The following GLIS3 variants were observed in gnomAD, a reference collection of about 807,000 sequenced individuals.
GLIS3 encodes the protein GLIS family zinc finger 3, also known as zinc finger protein GLIS3.
In GLIS3, 53 loss-of-function variants were observed where a neutral mutation model predicts 78.6. The observed-to-expected ratio is 0.67, with a 90% CI of 0.54 to 0.85. The LOEUF is 0.85. GLIS3 is among the 40% of genes least tolerant of loss of function. The probability of loss-of-function intolerance (pLI) is 0.00; values close to 1 mark genes in which losing one functional copy is unlikely to be tolerated. For missense variants in GLIS3, 1,703 were observed against 1,231.1 expected (o/e 1.38, Z -5.74); for synonymous variants, 684 against 509.9 (o/e 1.34, Z -4.60).
At chr9:4,127,045 A>G (rs1404180951) in intron 2 of GLIS3, among the ~76,000 whole-genome samples, 1 of 152,182 alleles carries the variant, frequency 6.6e-6, no homozygotes, top group Non-Finnish European at 1.5e-5. Flanking sequence ...ATCTTTTGTA[A>G]CATTCTTCCC....
chr9:3,832,103 A>G (rs1300712699), intron 9 of GLIS3, among the ~76,000 whole-genome samples: 2 of 151,764 alleles, frequency 1.3e-5, no homozygotes, highest in Non-Finnish European at 2.9e-5. Context: ...TCAGTTTTCC[A>G]ATTTGTAAAA....
At chr9:4,191,148 A>T (rs985966735) in intron 2 of GLIS3, among the ~76,000 whole-genome samples, 1 of 150,444 alleles carries the variant, frequency 6.6e-6, no homozygotes, top group African/African-American at 2.4e-5. Context: ...TAACCAGCTA[A>T]CATCATAATG....
chr9:4,325,172 A>C (rs1423836527), intron 2 of GLIS3, among the ~76,000 whole-genome samples: 1 of 152,164 alleles, frequency 6.6e-6, no homozygotes, highest in Non-Finnish European at 1.5e-5. Flanking sequence ...TCTATACTTG[A>C]ATGCATAAAT....
At chr9:3,906,593 G>A (rs1823717874) in intron 6 of GLIS3, among the ~76,000 whole-genome samples, 1 of 152,108 alleles carries the variant, frequency 6.6e-6, no homozygotes, top group Admixed American at 6.5e-5. Context: ...AGAACCTGCA[G>A]GTACCTGCAC....
chr9:3,857,615 G>T (rs564852708), intron 8 of GLIS3, among the ~76,000 whole-genome samples: 35 of 152,298 alleles, frequency 2.3e-4, no homozygotes, highest in Non-Finnish European at 4.6e-4. Flanking sequence ...TCAAGGCGAG[G>T]AGCTTAAACA....
chr9:4,208,543 T>A (rs1820081150), intron 2 of GLIS3, among the ~76,000 whole-genome samples: 1 of 152,168 alleles, frequency 6.6e-6, no homozygotes, highest in Admixed American at 6.5e-5. Context: ...GTGGGCAGGA[T>A]TGGAAGAGCC....
chr9:4,165,714 T>C (rs1835831751), intron 2 of GLIS3, among the ~76,000 whole-genome samples: 1 of 152,212 alleles, frequency 6.6e-6, no homozygotes, highest in Admixed American at 6.5e-5. Flanking sequence ...CCTATGCAGA[T>C]ATCCAGATAG....
At chr9:4,389,308 C>T in the GLIS3 span, among the ~76,000 whole-genome samples, 10 of 152,162 alleles carry the variant, frequency 6.6e-5, no homozygotes, top group Non-Finnish European at 1.5e-4. Context: ...ATCTAGGTTG[C>T]TAATTCATGA....
intron 4 of GLIS3, among the ~76,000 whole-genome samples, chr9:4,023,178 A>T (rs1425612995): frequency 6.6e-6 from 1 of 152,208 alleles, no homozygotes; most frequent in Non-Finnish European, 1.5e-5. Flanking sequence ...AATTTTTTTA[A>T]GTGGCCAGTC....
intron 6 of GLIS3, among the ~76,000 whole-genome samples, chr9:3,918,927 AC>A (rs1384196773): frequency 1.3e-5 from 2 of 152,082 alleles, no homozygotes; most frequent in Non-Finnish European, 2.9e-5. Flanking sequence ...TGCTTATAAG[AC>A]CCCGGGAAGA....
rs187555773 is a variant in GLIS3, at chr9:4,290,839, C to G, written c.-98-4316G>C. On this transcript the variant is annotated intron_variant, in intron 1 of 10. Coordinates refer to ENST00000381971, the MANE Select transcript of GLIS3 (RefSeq NM_001042413.2). ...AACCAGAGGAAAGTGCAAACATGTGCCTGTGAAACTGGAGGATATTATAGA... is the reference window on the plus strand; with the variant it reads ...AACCAGAGGAAAGTGCAAACATGTGGCTGTGAAACTGGAGGATATTATAGA... Among the ~76,000 whole-genome samples the G allele has an allele frequency of 3.4e-3, 511 of 152,170 alleles. 5 individuals are homozygous for G. Among genetic ancestry groups the G allele is most frequent in the Non-Finnish European group, 3.2e-3 (215 of 67,948 alleles).
chr9:4,316,390 T>C (rs143731321), intron 2 of GLIS3, among the ~76,000 whole-genome samples: 30 of 152,350 alleles, frequency 2.0e-4, no homozygotes, highest in Middle Eastern at 3.4e-3. Flanking sequence ...TCAACAGATA[T>C]TTTAGCAGCT....
At chr9:4,254,852 A>T (rs1212383896) in intron 2 of GLIS3, among the ~76,000 whole-genome samples, 1 of 152,018 alleles carries the variant, frequency 6.6e-6, no homozygotes, top group South Asian at 2.1e-4. Context: ...AAAAAAAAAA[A>T]AAAGAAAAAA....
intron 6 of GLIS3, among the ~76,000 whole-genome samples, chr9:3,924,559 T>G (rs1028485734): frequency 3.3e-5 from 5 of 152,154 alleles, no homozygotes; most frequent in Non-Finnish European, 7.4e-5. Context: ...CGCCCTTGTG[T>G]GAAGTCACCC....
At chr9:4,238,755 G>A (rs570253382) in intron 2 of GLIS3, among the ~76,000 whole-genome samples, 1 of 152,242 alleles carries the variant, frequency 6.6e-6, no homozygotes, top group Admixed American at 6.5e-5. Flanking sequence ...CTTTCTTCCA[G>A]AGTTGGCTTT....
chr9:4,120,373 T>C (rs1016422571), intron 3 of GLIS3, among the ~76,000 whole-genome samples: 5 of 152,370 alleles, frequency 3.3e-5, no homozygotes, highest in Admixed American at 2.0e-4. Context: ...GGAATTTACA[T>C]CCAGTTGCCC....
At chr9:3,941,451 T>C (rs1178351038) in intron 4 of GLIS3, among the ~76,000 whole-genome samples, 1 of 152,212 alleles carries the variant, frequency 6.6e-6, no homozygotes, top group African/African-American at 2.4e-5. Context: ...TATGTATACA[T>C]GTGCCATGCT....
chr9:4,288,949 CA>C (rs2130369155), intron 1 of GLIS3, among the ~76,000 whole-genome samples: 1 of 152,184 alleles, frequency 6.6e-6, no homozygotes, highest in Admixed American at 6.5e-5. Context: ...ATTTCTCAAA[CA>C]TTAGATATTA....
chr9:3,875,665 A>T (rs1259010986), intron 8 of GLIS3: 1 of 152,196 alleles, frequency 6.6e-6, no homozygotes, highest in African/African-American at 2.4e-5. Context: ...ACTAACGCAA[A>T]CCTGGTGAAT....
Sources: allele counts gnomAD v4.1 joint callset (sites outside exome capture counted in the v4.1 genomes callset), GRCh38; gene constraint gnomAD v4.1.1; transcripts MANE v1.5; gene names NCBI Gene and HGNC (gene_info 2026-07-23, HGNC 2026-07-21).